CPNE8: variants seen among roughly 807,000 people sequenced by gnomAD.
The protein encoded by CPNE8 is copine-8.
A neutral mutation model predicts 81.5 loss-of-function variants in CPNE8; 45 were observed. The observed-to-expected ratio is 0.55, with a 90% CI of 0.44 to 0.71. The LOEUF (loss-of-function observed/expected upper bound fraction) is 0.71, where lower values mean the gene tolerates loss of function less well. Among genes scored for constraint, CPNE8 ranks in the 30% least tolerant of loss-of-function variants. The pLI is 0.00. For missense variants in CPNE8, 594 were observed against 672.1 expected (o/e 0.88, Z 1.28); for synonymous variants, 252 against 226.3 (o/e 1.11, Z -1.02).
rs150774833 is a variant in CPNE8 at position 38,667,514 on chromosome 12, C to A, written c.1506+3215G>T. Among the ~76,000 whole-genome samples, 96 of 152,226 alleles carry A rather than the reference C, an allele frequency of 6.3e-4. 1 individual carries two copies. The East Asian group carries it at 0.014, about 21-fold the overall frequency. ...TCAATGTGATATGTAAAGTACTGAC[C>A]ACCATGTAGAAACTTCTCTATGAAA... On this transcript the variant is annotated intron_variant, in intron 19 of 19. Coordinates refer to ENST00000331366, the MANE Select transcript of CPNE8 (RefSeq NM_153634.3).
At position 38,780,564 on chromosome 12, in the gene CPNE8, G is replaced by A. The variant is rs1264715531; in HGVS notation, c.408-4263C>T. ...GCACATGATAGGAGCATGGAAAAAC[G>A]TGAGAGATGAAGAATATATCTCCAG... On this transcript the variant is annotated intron_variant, in intron 6 of 19. Coordinates refer to ENST00000331366, the MANE Select transcript of CPNE8 (RefSeq NM_153634.3). 2.0e-5 allele frequency among the ~76,000 whole-genome samples: 3 copies of A among 152,082 alleles called. No individual in the cohort carries two copies. In the South Asian group the frequency reaches 6.2e-4, roughly 31 times the overall value.
intron 8 of CPNE8, among the ~76,000 whole-genome samples, chr12:38,764,892 C>A (rs964361277): frequency 6.6e-6 from 1 of 151,704 alleles, no homozygotes; most frequent in Admixed American, 6.6e-5. Flanking sequence ...AAAAGAGAGA[C>A]AGAGAGAGAG....
intron 1 of CPNE8, among the ~76,000 whole-genome samples, chr12:38,899,331 C>G (rs568885819): frequency 6.6e-6 from 1 of 152,264 alleles, no homozygotes; most frequent in East Asian, 1.9e-4. Flanking sequence ...AGCTCTCTCA[C>G]TCTCTGTAGG....
intron 19 of CPNE8, among the ~76,000 whole-genome samples, chr12:38,666,437 A>G (rs2136639671): frequency 6.6e-6 from 1 of 152,206 alleles, no homozygotes; most frequent in African/African-American, 2.4e-5. Flanking sequence ...AATGACCGGT[A>G]TTTTTAGGAA....
intron 10 of CPNE8, among the ~76,000 whole-genome samples, chr12:38,742,544 G>T (rs141673668): frequency 0.012 from 1,622 of 134,412 alleles, 51 homozygotes; most frequent in African/African-American, 0.038. Context: ...TGGAGGGAGT[G>T]GGGAGGGATA....
intron 6 of CPNE8, among the ~76,000 whole-genome samples, chr12:38,802,742 A>G (rs1942706341): frequency 6.6e-6 from 1 of 150,792 alleles, no homozygotes; most frequent in Admixed American, 6.6e-5. Context: ...AGGATCAACA[A>G]AATTGATAGA....
At chr12:38,886,736 CT>C (rs1944242671) in intron 1 of CPNE8, among the ~76,000 whole-genome samples, 1 of 152,118 alleles carries the variant, frequency 6.6e-6, no homozygotes, top group Non-Finnish European at 1.5e-5. Context: ...AATGAATCCT[CT>C]TGATATCTTT....
chr12:38,808,192 T>A (rs143372462), intron 6 of CPNE8, among the ~76,000 whole-genome samples: 5,282 of 152,214 alleles, frequency 0.035, 335 homozygotes, highest in African/African-American at 0.12. Context: ...GAAGTCAGCG[T>A]GGCTATTCCT....
intron 19 of CPNE8, among the ~76,000 whole-genome samples, chr12:38,666,901 A>C (rs2136640093): frequency 6.6e-6 from 1 of 152,338 alleles, no homozygotes; most frequent in Non-Finnish European, 1.5e-5. Context: ...AAAATGCAAT[A>C]ATCAAAGTAC....
intron 6 of CPNE8, among the ~76,000 whole-genome samples, chr12:38,809,260 G>A (rs1942886234): frequency 6.6e-6 from 1 of 152,160 alleles, no homozygotes; most frequent in South Asian, 2.1e-4. Context: ...TTCTTATCTG[G>A]AGGCTCAGGT....
chr12:38,712,689 C>A (rs1940289319), intron 13 of CPNE8, among the ~76,000 whole-genome samples: 1 of 152,110 alleles, frequency 6.6e-6, no homozygotes, highest in South Asian at 2.1e-4. Context: ...TTAAGATTAG[C>A]TTATGATAGG....
At chr12:38,772,361 A>G (rs1463008704) in intron 7 of CPNE8, among the ~76,000 whole-genome samples, 3 of 152,200 alleles carry the variant, frequency 2.0e-5, no homozygotes, top group African/African-American at 7.2e-5. Flanking sequence ...AATTTCCAAA[A>G]TATATAAGGA....
Position 38,658,115 on chromosome 12 carries a change from A to G in CPNE8, c.1507-4045T>C, listed in dbSNP as rs180991288. ...ATAAACTTCTCCGAGTTAAAAAAGC[A>G]TGTTCTAACCCATCACAAGGAAGCT... On this transcript the variant is annotated intron_variant, in intron 19 of 19. Transcript: ENST00000331366. Among the ~76,000 whole-genome samples the G allele has an allele frequency of 3.1e-3, 478 of 152,308 alleles. 2 individuals carry two copies. Among genetic ancestry groups the G allele is most frequent in the Non-Finnish European group, 5.1e-3 (350 of 68,036 alleles).
chr12:38,780,742 T>C (rs992598100), intron 6 of CPNE8, among the ~76,000 whole-genome samples: 9 of 152,038 alleles, frequency 5.9e-5, no homozygotes, highest in Admixed American at 5.9e-4. Flanking sequence ...AATATAAGAT[T>C]GTAAACAGTA....
At chr12:38,861,349 G>T (rs77736608) in intron 3 of CPNE8, among the ~76,000 whole-genome samples, 6,844 of 151,990 alleles carry the variant, frequency 0.045, 386 homozygotes, top group African/African-American at 0.13. Flanking sequence ...ATTTTTTAAA[G>T]GTCATATATT....
chr12:38,784,710 G>A (rs1051029369), intron 6 of CPNE8, among the ~76,000 whole-genome samples: 11 of 151,816 alleles, frequency 7.2e-5, no homozygotes, highest in African/African-American at 2.7e-4. Flanking sequence ...GGACACAAAA[G>A]AGTGGCATGA....
At chr12:38,670,933 T>A in intron 18 of CPNE8, 131 bp from the exon 19 acceptor site, 1 of 569,158 alleles carries the variant, frequency 1.8e-6, no homozygotes, top group Non-Finnish European at 3.1e-6. Flanking sequence ...TGTTGATCCC[T>A]TCATGTCTTC....
intron 18 of CPNE8, among the ~76,000 whole-genome samples, chr12:38,673,186 A>C (rs978239257): frequency 6.6e-6 from 1 of 152,142 alleles, no homozygotes; most frequent in Non-Finnish European, 1.5e-5. Context: ...ACCATGTAGG[A>C]TATGACTGTT....
At chr12:38,657,149 C>G (rs550302880) in intron 19 of CPNE8, among the ~76,000 whole-genome samples, 209 of 152,178 alleles carry the variant, frequency 1.4e-3, no homozygotes, top group African/African-American at 4.9e-3. Flanking sequence ...CAGACTGTAC[C>G]TGGAAAAAGG....
Sources: gnomAD v4.1 joint callset for allele counts (sites outside exome capture counted in the v4.1 genomes callset) on GRCh38, gnomAD v4.1.1 for gene constraint, MANE v1.5 for transcripts, NCBI Gene and HGNC (gene_info 2026-07-23, HGNC 2026-07-21) for gene names.